Variants in ROR1 observed in about 807,000 individuals in gnomAD.
The protein encoded by ROR1 is inactive tyrosine-protein kinase transmembrane receptor ROR1.
A neutral mutation model predicts 78.8 loss-of-function variants in ROR1; 19 were observed. The observed-to-expected ratio is 0.24, with a 90% CI of 0.17 to 0.35. The LOEUF is 0.35. Ranked by LOEUF, ROR1 falls within the 10% of genes least tolerant of loss-of-function variation. ROR1 has a pLI of 1.00. For synonymous variants in ROR1, 386 were observed against 433.6 expected (o/e 0.89, Z 1.36); for missense variants, 917 against 1,177.8 (o/e 0.78, Z 3.24).
intron 1 of ROR1, among the ~76,000 whole-genome samples, chr1:63,985,238 C>T (rs560760987): frequency 5.3e-5 from 8 of 152,222 alleles, no homozygotes; most frequent in African/African-American, 1.4e-4. Context: ...GTGAAAAGTA[C>T]GTATAAACAG....
chr1:64,108,395 T>TAAAAAAAAAAAAAA (rs556497678), intron 4 of ROR1: 1 of 48,260 alleles, frequency 2.1e-5, no homozygotes, highest in African/African-American at 8.0e-5. Flanking sequence ...AGACTCCATC[T>TAAAAAAAAAAAAAA]AAAAAAAAAA....
At chr1:63,908,694 G>A (rs910423288) in intron 1 of ROR1, among the ~76,000 whole-genome samples, 1 of 152,202 alleles carries the variant, frequency 6.6e-6, no homozygotes, top group African/African-American at 2.4e-5. Flanking sequence ...TATCCTGCCT[G>A]CCTCTTGCTG....
At chr1:64,088,102 AT>A (rs1159294634) in intron 4 of ROR1, among the ~76,000 whole-genome samples, 2 of 152,186 alleles carry the variant, frequency 1.3e-5, no homozygotes, top group Admixed American at 6.5e-5. Context: ...AAAATTCATG[AT>A]CTTTTTCCTG....
intron 1 of ROR1, among the ~76,000 whole-genome samples, chr1:63,894,919 A>G (rs1645427784): frequency 6.6e-6 from 1 of 152,160 alleles, no homozygotes; most frequent in African/African-American, 2.4e-5. Context: ...AGACCTTCAA[A>G]TCTTTGACAG....
chr1:63,826,742 T>A (rs182970510), intron 1 of ROR1, among the ~76,000 whole-genome samples: 1 of 151,832 alleles, frequency 6.6e-6, no homozygotes, highest in East Asian at 2.0e-4. Flanking sequence ...GAATGCTTTC[T>A]CCACAACCTC....
intron 1 of ROR1, among the ~76,000 whole-genome samples, chr1:63,881,131 AT>A (rs1260351049): frequency 6.6e-6 from 1 of 152,268 alleles, no homozygotes; most frequent in East Asian, 1.9e-4. Flanking sequence ...GCTGGCCCTT[AT>A]TTGACCTTTA....
chr1:63,862,957 C>T (rs1308108957), intron 1 of ROR1, among the ~76,000 whole-genome samples: 1 of 152,186 alleles, frequency 6.6e-6, no homozygotes, highest in East Asian at 1.9e-4. Flanking sequence ...TTTGTGACCT[C>T]ATAAAATTTG....
intron 4 of ROR1, among the ~76,000 whole-genome samples, chr1:64,089,554 T>C (rs1325640410): frequency 6.6e-6 from 1 of 152,138 alleles, no homozygotes; most frequent in Non-Finnish European, 1.5e-5. Flanking sequence ...TAAGCTCTGT[T>C]GAGGGACATT....
At chr1:63,844,951 G>A (rs1569807302) in intron 1 of ROR1, among the ~76,000 whole-genome samples, 1 of 152,142 alleles carries the variant, frequency 6.6e-6, no homozygotes. Context: ...AGCAGAAAGT[G>A]ACTTTATCCT....
intron 1 of ROR1, among the ~76,000 whole-genome samples, chr1:63,835,427 A>G (rs564791703): frequency 5.3e-5 from 8 of 152,304 alleles, no homozygotes; most frequent in East Asian, 1.9e-4. Flanking sequence ...TTTTTGTGCC[A>G]GGTTCTGCCC....
At position 64,177,610 on chromosome 1, in the gene ROR1, A is replaced by T; in HGVS notation, c.1569A>T (p.Glu523Asp). The T allele has an allele frequency of 6.2e-7, 1 of 1,614,190 alleles. No homozygotes were observed. Among genetic ancestry groups the T allele is most frequent in the South Asian group, 1.1e-5 (1 of 91,084 alleles). Residue 523 changes from glutamate (E) to aspartate (D), a missense_variant, in exon 9 of 9, where the codon GAA (glutamate) becomes GAT (aspartate). Glu to Asp is a conservative substitution (Grantham distance 45, BLOSUM62 2). Around this residue, in one of 3 missense-constraint regions of ROR1, gnomAD observed 835 missense variants for 1,069.8 expected, o/e 0.78. Coordinates refer to ENST00000371079, the MANE Select transcript of ROR1 (RefSeq NM_005012.4). ...NPQQWTEFQQ[E>D]ASLMAELHHP... ...AGCAATGGACGGAATTTCAACAAGA[A>T]GCCTCCCTAATGGCAGAACTGCACC... is the stretch of plus-strand genomic sequence containing the variant.
At chr1:63,859,123 C>G (rs1645165215) in intron 1 of ROR1, among the ~76,000 whole-genome samples, 1 of 152,160 alleles carries the variant, frequency 6.6e-6, no homozygotes, top group Non-Finnish European at 1.5e-5. Flanking sequence ...TCTGTCCTCA[C>G]TTGCTCCCTG....
chr1:63,912,134 A>C (rs1055092507), intron 1 of ROR1, among the ~76,000 whole-genome samples: 171 of 151,994 alleles, frequency 1.1e-3, no homozygotes, highest in Admixed American at 2.6e-3. Context: ...CAAAAAAAAA[A>C]AAAAAAAATA....
rs1381332128 is a variant in ROR1 at position 64,131,679 on chromosome 1, A to T, written c.483-5690A>T. Among the ~76,000 whole-genome samples, 3 of 152,168 alleles carry T rather than the reference A, an allele frequency of 2.0e-5. No individual in the cohort carries two copies. In the East Asian group the frequency reaches 5.8e-4, roughly 29 times the overall value. On this transcript the variant is annotated intron_variant, in intron 4 of 8. Coordinates refer to ENST00000371079, the MANE Select transcript of ROR1 (RefSeq NM_005012.4). ...ACCCAGGCTGGAGTGCAGTGATGTG[A>T]TCATGGCTAACTACAGCCTCAAACT...
At chr1:63,895,169 T>G (rs181118475) in intron 1 of ROR1, among the ~76,000 whole-genome samples, 9 of 152,370 alleles carry the variant, frequency 5.9e-5, no homozygotes, top group Non-Finnish European at 1.3e-4. Flanking sequence ...GAGATGGCAT[T>G]TAATGGCGGG....
intron 8 of ROR1, among the ~76,000 whole-genome samples, chr1:64,164,668 G>C (rs1650036448): frequency 6.6e-6 from 1 of 152,006 alleles, no homozygotes; most frequent in Non-Finnish European, 1.5e-5. Context: ...TGTGTCATGG[G>C]AGTTTGTTGT....
chr1:64,014,920 A>G (rs1646508544), intron 2 of ROR1, among the ~76,000 whole-genome samples: 1 of 149,642 alleles, frequency 6.7e-6, no homozygotes, highest in Non-Finnish European at 1.5e-5. Context: ...GTGGATGGAG[A>G]TATATGTATC....
intron 4 of ROR1, among the ~76,000 whole-genome samples, chr1:64,108,060 TTGTGTGTGTGTGTGTG>T (rs3084945): frequency 3.4e-5 from 5 of 146,424 alleles, no homozygotes; most frequent in East Asian, 2.1e-4. Flanking sequence ...TGTTTTCTTG[TTGTGTGTGTGTGTGTG>T]TGTGTGTGTG....
intron 1 of ROR1, among the ~76,000 whole-genome samples, chr1:63,827,321 G>C (rs1644960323): frequency 6.6e-6 from 1 of 152,088 alleles, no homozygotes; most frequent in Non-Finnish European, 1.5e-5. Flanking sequence ...TTGCTTTGTT[G>C]CAATTGCTTT....
Sources: gnomAD v4.1 joint callset for allele counts (sites outside exome capture counted in the v4.1 genomes callset) on GRCh38, gnomAD v4.1.1 for gene constraint, gnomAD v4.1.1 regional missense constraint, MANE v1.5 for transcripts, NCBI Gene and HGNC (gene_info 2026-07-23, HGNC 2026-07-21) for gene names.